Variants in SPOCK1 observed in about 807,000 individuals in gnomAD.
The protein encoded by SPOCK1 is SPARC (osteonectin), cwcv and kazal like domains proteoglycan 1, also known as testican-1.
Under a neutral mutation model 55.3 loss-of-function variants are expected in SPOCK1, and 23 were observed. The ratio of observed to expected loss-of-function variants is 0.42; its 90% CI spans 0.30 to 0.59. SPOCK1 has a LOEUF of 0.59. SPOCK1 is among the 20% of genes least tolerant of loss of function. SPOCK1 has a pLI of 0.22. For synonymous variants in SPOCK1, 226 were observed against 221.0 expected (o/e 1.02, Z -0.20); for missense variants, 499 against 552.5 (o/e 0.90, Z 0.97).
chr5:137,352,648 G>A (rs148938645), intron 2 of SPOCK1, among the ~76,000 whole-genome samples: 16 of 152,258 alleles, frequency 1.1e-4, no homozygotes, highest in Admixed American at 2.6e-4. Context: ...GAAGAAGGAG[G>A]GAGGAGTGGA....
chr5:137,140,191 T>C (rs1754067812), intron 4 of SPOCK1, among the ~76,000 whole-genome samples: 1 of 152,116 alleles, frequency 6.6e-6, no homozygotes, highest in African/African-American at 2.4e-5. Flanking sequence ...CGAAGAATCA[T>C]CACAGTGAGG....
intron 3 of SPOCK1, among the ~76,000 whole-genome samples, chr5:137,209,935 A>C (rs565614987): frequency 5.3e-5 from 8 of 152,346 alleles, no homozygotes; most frequent in African/African-American, 1.9e-4. Flanking sequence ...CAGTGCTCTC[A>C]ATGTTCCACC....
Position 137,132,174 on chromosome 5 carries a change from CAAAAAAAAA to C in SPOCK1, c.347+8397_347+8405del, listed in dbSNP as rs762937224. 2.7e-3 allele frequency among the ~76,000 whole-genome samples: 159 copies of C among 59,206 alleles called. 2 individuals are homozygous for C. The highest frequency in any genetic ancestry group is 0.01 in the African/African-American group (141 of 14,066). 38.8% of individuals were successfully genotyped at this position (59,206 alleles called of 152,430 possible). On this transcript the variant is annotated intron_variant, in intron 4 of 10. Coordinates refer to ENST00000394945, the MANE Select transcript of SPOCK1 (RefSeq NM_004598.4). ...TGGGCAACAGAACAAGACTCTGTCT[CAAAAAAAAA>C]AAAAAAAAAAAAATCTCCAGAACTT... is the stretch of plus-strand genomic sequence containing the variant.
At chr5:137,389,728 G>T (rs867925403) in intron 2 of SPOCK1, among the ~76,000 whole-genome samples, 1 of 152,336 alleles carries the variant, frequency 6.6e-6, no homozygotes, top group Middle Eastern at 3.4e-3. Flanking sequence ...AGTCCCTCAT[G>T]GTTGGAGTGT....
intron 3 of SPOCK1, among the ~76,000 whole-genome samples, chr5:137,230,182 A>G (rs1756024691): frequency 6.6e-6 from 1 of 152,244 alleles, no homozygotes; most frequent in African/African-American, 2.4e-5. Flanking sequence ...CGTAAGATGC[A>G]TGCTTGGTTG....
At position 137,313,773 on chromosome 5, in the gene SPOCK1, C is replaced by A. The variant is rs1481811326; in HGVS notation, c.187-46718G>T. Among the ~76,000 whole-genome samples, 3 of 151,616 alleles carry A rather than the reference C, an allele frequency of 2.0e-5. No individual in the cohort carries two copies. The East Asian group carries it at 5.9e-4, about 30-fold the overall frequency. On this transcript the variant is annotated intron_variant, in intron 2 of 10. Transcript: ENST00000394945. Reference sequence around the variant, plus strand: ...AGGGCATTTACAAAAGGGTTGCATTCATGCATGACAGGAAAAGGAACCATT... The same window carrying A: ...AGGGCATTTACAAAAGGGTTGCATTAATGCATGACAGGAAAAGGAACCATT...
chr5:137,396,868 G>A (rs1002776341), intron 2 of SPOCK1, among the ~76,000 whole-genome samples: 2 of 152,140 alleles, frequency 1.3e-5, no homozygotes, highest in Non-Finnish European at 2.9e-5. Context: ...CCAAGAGAGG[G>A]TGTCTCAGGG....
chr5:137,137,210 A>G (rs1754000096), intron 4 of SPOCK1, among the ~76,000 whole-genome samples: 1 of 152,224 alleles, frequency 6.6e-6, no homozygotes. Flanking sequence ...GTGTGCACTC[A>G]TGACTGTCTG....
intron 6 of SPOCK1, among the ~76,000 whole-genome samples, chr5:137,007,022 CA>C (rs1751263090): frequency 6.6e-6 from 1 of 151,942 alleles, no homozygotes. Flanking sequence ...GTTGAACCAC[CA>C]AAAACAAGCA....
intron 5 of SPOCK1, among the ~76,000 whole-genome samples, chr5:137,097,338 T>C (rs1322587955): frequency 1.3e-5 from 2 of 152,246 alleles, no homozygotes; most frequent in East Asian, 1.9e-4. Flanking sequence ...AAGGTTCCAG[T>C]ACAGTCATCC....
At chr5:137,253,621 G>C (rs1756579607) in intron 3 of SPOCK1, among the ~76,000 whole-genome samples, 2 of 152,290 alleles carry the variant, frequency 1.3e-5, no homozygotes, top group African/African-American at 4.8e-5. Context: ...CCATGTGGCT[G>C]TCTACTCTTA....
At chr5:137,147,783 G>A (rs1754232533) in intron 3 of SPOCK1, among the ~76,000 whole-genome samples, 1 of 152,150 alleles carries the variant, frequency 6.6e-6, no homozygotes, top group Non-Finnish European at 1.5e-5. Flanking sequence ...ACCAACTGTA[G>A]GGAAATGGTT....
At chr5:137,024,415 C>T (rs1448935821) in intron 6 of SPOCK1, among the ~76,000 whole-genome samples, 3 of 151,618 alleles carry the variant, frequency 2.0e-5, no homozygotes, top group Non-Finnish European at 4.4e-5. Flanking sequence ...TAACATCTCA[C>T]CAGGTTTTCA....
At chr5:137,176,593 C>T (rs1052854392) in intron 3 of SPOCK1, among the ~76,000 whole-genome samples, 3 of 151,772 alleles carry the variant, frequency 2.0e-5, no homozygotes, top group African/African-American at 7.3e-5. Flanking sequence ...TTTTATTCAT[C>T]GGTAATTAAA....
At chr5:137,128,173 G>C (rs1258695016) in intron 4 of SPOCK1, among the ~76,000 whole-genome samples, 1 of 152,172 alleles carries the variant, frequency 6.6e-6, no homozygotes, top group Non-Finnish European at 1.5e-5. Context: ...ACAGCAAAAA[G>C]ACAGCTGTCT....
At chr5:137,440,113 T>C (rs1436922730) in intron 2 of SPOCK1, among the ~76,000 whole-genome samples, 2 of 152,052 alleles carry the variant, frequency 1.3e-5, no homozygotes, top group East Asian at 3.8e-4. Context: ...ATGATTACCA[T>C]GAATATCTTT....
chr5:137,158,288 CT>C (rs1418060883), intron 3 of SPOCK1, among the ~76,000 whole-genome samples: 1 of 152,186 alleles, frequency 6.6e-6, no homozygotes, highest in Non-Finnish European at 1.5e-5. Flanking sequence ...GCTGTCTAGC[CT>C]TTTGGCCTCC....
At chr5:137,012,663 T>C (rs1043410385) in intron 6 of SPOCK1, among the ~76,000 whole-genome samples, 2 of 152,166 alleles carry the variant, frequency 1.3e-5, no homozygotes, top group Non-Finnish European at 2.9e-5. Context: ...ATTAGAGGCA[T>C]GTTTCTGATG....
At chr5:136,996,045 G>C (rs996041031) in intron 6 of SPOCK1, among the ~76,000 whole-genome samples, 2 of 152,140 alleles carry the variant, frequency 1.3e-5, no homozygotes, top group African/African-American at 4.8e-5. Flanking sequence ...AGCCTGCAGA[G>C]GGCTATTTGT....
Sources: gnomAD v4.1 joint callset for allele counts (sites outside exome capture counted in the v4.1 genomes callset) on GRCh38, gnomAD v4.1.1 for gene constraint, MANE v1.5 for transcripts, NCBI Gene and HGNC (gene_info 2026-07-23, HGNC 2026-07-21) for gene names.